The following CNIH3 variants were observed in gnomAD, a reference collection of about 807,000 sequenced individuals.
The protein encoded by CNIH3 is cornichon family AMPA receptor auxiliary protein 3, also known as protein cornichon homolog 3.
Under a neutral mutation model 24.1 loss-of-function variants are expected in CNIH3, and 14 were observed. The ratio of observed to expected loss-of-function variants is 0.58; its 90% CI spans 0.38 to 0.91. CNIH3 has a LOEUF of 0.91. Ranked by LOEUF, CNIH3 falls within the 40% of genes least tolerant of loss-of-function variation. The pLI is 0.00. For synonymous variants in CNIH3, 68 were observed against 73.8 expected (o/e 0.92, Z 0.40); for missense variants, 178 against 196.8 (o/e 0.90, Z 0.57).
chr1:224,626,262 A>T (rs1683520874), intron 1 of CNIH3, among the ~76,000 whole-genome samples: 1 of 152,198 alleles, frequency 6.6e-6, no homozygotes, highest in Non-Finnish European at 1.5e-5. Flanking sequence ...GAGTGTCTGC[A>T]TCTTAACAGG....
chr1:224,739,082 G>A (rs1420986674), intron 5 of CNIH3, among the ~76,000 whole-genome samples: 2 of 152,094 alleles, frequency 1.3e-5, no homozygotes, highest in South Asian at 2.1e-4. Flanking sequence ...TAGGCACTTA[G>A]AGCTTTCACA....
At chr1:224,614,473 G>C (rs1045234123), upstream of CNIH3, among the ~76,000 whole-genome samples, 4 of 151,866 alleles carry the variant, frequency 2.6e-5, no homozygotes, top group Non-Finnish European at 5.9e-5. Context: ...CAGGAGTTTG[G>C]GACCAGCCTG....
intron 5 of CNIH3, among the ~76,000 whole-genome samples, chr1:224,736,867 A>G (rs1188047636): frequency 6.6e-6 from 1 of 152,208 alleles, no homozygotes; most frequent in Non-Finnish European, 1.5e-5. Flanking sequence ...GTGTGGACAA[A>G]GCCGCCGTGG....
At chr1:224,600,357 T>C (rs1234069305) in intron 3 of CNIH3, among the ~76,000 whole-genome samples, 5 of 152,042 alleles carry the variant, frequency 3.3e-5, no homozygotes, top group Non-Finnish European at 7.4e-5. Context: ...GCCTGGCTAA[T>C]TTTTTTGTAT....
chr1:224,443,356 G>A (rs186227566), intron 1 of CNIH3, among the ~76,000 whole-genome samples: 2 of 152,240 alleles, frequency 1.3e-5, no homozygotes, highest in East Asian at 3.9e-4. Context: ...GTGTAGGCCT[G>A]TAGTAGTCTA....
At chr1:224,598,774 G>A (rs1265528656) in intron 3 of CNIH3, among the ~76,000 whole-genome samples, 2 of 152,166 alleles carry the variant, frequency 1.3e-5, no homozygotes, top group African/African-American at 2.4e-5. Flanking sequence ...TCAAATTAAG[G>A]TTTGTACATT....
At chr1:224,461,993 TA>T (rs889417521) in intron 1 of CNIH3, among the ~76,000 whole-genome samples, 9 of 151,830 alleles carry the variant, frequency 5.9e-5, no homozygotes, top group African/African-American at 2.2e-4. Context: ...TCCTTTTTTT[TA>T]AAAAAAAGAC....
At chr1:224,434,876 A>C (rs1267721620) in intron 1 of CNIH3, 1 of 983,812 alleles carries the variant, frequency 1.0e-6, no homozygotes, top group African/African-American at 1.8e-5. Context: ...TGGAACCTAT[A>C]GGGGGCCTGT....
intron 1 of CNIH3, among the ~76,000 whole-genome samples, chr1:224,495,757 G>A (rs558713256): frequency 1.3e-5 from 2 of 152,194 alleles, no homozygotes; most frequent in South Asian, 2.1e-4. Flanking sequence ...GGAGGGGGTC[G>A]GGGAGCAGCA....
chr1:224,507,629 A>C (rs1240677247), intron 1 of CNIH3, among the ~76,000 whole-genome samples: 1 of 152,220 alleles, frequency 6.6e-6, no homozygotes, highest in Non-Finnish European at 1.5e-5. Flanking sequence ...TCTAAGCCCC[A>C]AAACTCACCT....
chr1:224,562,187 A>G (rs1290684569), intron 3 of CNIH3, among the ~76,000 whole-genome samples: 1 of 152,184 alleles, frequency 6.6e-6, no homozygotes, highest in Non-Finnish European at 1.5e-5. Context: ...ACATCATCTC[A>G]TTTACTCTTT....
intron 1 of CNIH3, chr1:224,435,241 A>T (rs1297520643): frequency 2.0e-6 from 2 of 982,572 alleles, no homozygotes; most frequent in Non-Finnish European, 2.4e-6. Flanking sequence ...TTCCAGGCAC[A>T]GGGCTGTGGT....
chr1:224,725,024 T>C (rs2002371), intron 3 of CNIH3, among the ~76,000 whole-genome samples: 39,087 of 151,742 alleles, frequency 0.26, 5,150 homozygotes, highest in South Asian at 0.36. Flanking sequence ...GCCTGGTCAA[T>C]ATAGTGAAAC....
At chr1:224,539,870 G>A (rs1679444367), downstream of CNIH3, among the ~76,000 whole-genome samples, 1 of 152,112 alleles carries the variant, frequency 6.6e-6, no homozygotes, top group Non-Finnish European at 1.5e-5. Flanking sequence ...CTTCTTCTGA[G>A]AAGTACTATA....
chr1:224,638,787 A>G (rs558459925), intron 1 of CNIH3, among the ~76,000 whole-genome samples: 1 of 152,356 alleles, frequency 6.6e-6, no homozygotes, highest in Non-Finnish European at 1.5e-5. Flanking sequence ...ATCCTGCTCT[A>G]GGACCTCACA....
At chr1:224,597,418 CTT>C (rs1418240721) in intron 3 of CNIH3, among the ~76,000 whole-genome samples, 1 of 152,176 alleles carries the variant, frequency 6.6e-6, no homozygotes, top group Admixed American at 6.5e-5. Flanking sequence ...CAAGAAGAAT[CTT>C]AACAGACAGG....
At chr1:224,550,924 A>G (rs999660149) in intron 3 of CNIH3, among the ~76,000 whole-genome samples, 2 of 140,760 alleles carry the variant, frequency 1.4e-5, no homozygotes, top group Admixed American at 8.0e-5. Flanking sequence ...TCATTGTTCA[A>G]TTCCCACCTA....
At chr1:224,584,870 G>C (rs977056942) in intron 5 of CNIH3, among the ~76,000 whole-genome samples, 1 of 152,148 alleles carries the variant, frequency 6.6e-6, no homozygotes, top group Admixed American at 6.5e-5. Context: ...AAGTCTATGA[G>C]GATAGGACCA....
At chr1:224,658,091 A>G (rs916166076) in intron 1 of CNIH3, among the ~76,000 whole-genome samples, 1 of 152,230 alleles carries the variant, frequency 6.6e-6, no homozygotes, top group Non-Finnish European at 1.5e-5. Context: ...GATAAGCCTA[A>G]TATGTCTCTC....
Sources: gnomAD v4.1 joint callset for allele counts (sites outside exome capture counted in the v4.1 genomes callset) on GRCh38, gnomAD v4.1.1 for gene constraint, MANE v1.5 for transcripts, NCBI Gene and HGNC (gene_info 2026-07-23, HGNC 2026-07-21) for gene names.